TBC1D16: variants seen among roughly 807,000 people sequenced by gnomAD.
TBC1D16 encodes TBC1 domain family member 16, also known as CTD-2529O21.1.
TBC1D16 carries 58 observed loss-of-function variants against 74.7 expected under a neutral mutation model. The observed-to-expected ratio is 0.78, with a 90% CI of 0.63 to 0.97. The LOEUF (loss-of-function observed/expected upper bound fraction) is 0.97, where lower values mean the gene tolerates loss of function less well. Ranked by LOEUF, TBC1D16 falls within the 50% of genes least tolerant of loss-of-function variation. The probability of loss-of-function intolerance (pLI) is 0.00; values close to 1 mark genes in which losing one functional copy is unlikely to be tolerated. For missense variants in TBC1D16, 1,014 were observed against 1,079.5 expected, an observed-to-expected ratio of 0.94 and a Z score of 0.85; for synonymous variants, 493 against 474.7, an observed-to-expected ratio of 1.04 and a Z score of -0.50.
rs1412433816 is a variant in TBC1D16, at chr17:79,949,708, G to A, written c.1406+9C>T. Reference sequence around the variant, plus strand: ...CGGCGGGGTGGGCCGGGCTGGCCCCGGCGGTTACCTTTTCTGCTGGATCTC... The same window carrying A: ...CGGCGGGGTGGGCCGGGCTGGCCCCAGCGGTTACCTTTTCTGCTGGATCTC... On this transcript the variant is annotated intron_variant, in intron 7 of 11. Coordinates refer to ENST00000310924, the MANE Select transcript of TBC1D16 (RefSeq NM_019020.4). 1 of 1,602,618 alleles carries A rather than the reference G, an allele frequency of 6.2e-7. No individual in the cohort carries two copies. Among genetic ancestry groups the A allele is most frequent in the Non-Finnish European group, 8.5e-7 (1 of 1,172,840 alleles).
At position 79,941,999 on chromosome 17, in the gene TBC1D16, G is replaced by A; in HGVS notation, c.2055+61C>T. ...GGCAGCCTCACCTTTCTGAGAACGAGCTGGTGGGGTGGGGCTTTGGGGGCG... is the reference window on the plus strand; with the variant it reads ...GGCAGCCTCACCTTTCTGAGAACGAACTGGTGGGGTGGGGCTTTGGGGGCG... On this transcript the variant is annotated intron_variant, in intron 11 of 11. Coordinates refer to ENST00000310924, the MANE Select transcript of TBC1D16 (RefSeq NM_019020.4). The surrounding 1 kb of genome is among the most constrained non-coding windows in gnomAD (Gnocchi z 4.3). 2.0e-6 allele frequency: 3 copies of A among 1,478,662 alleles called. No homozygotes were observed. Among genetic ancestry groups the A allele is most frequent in the Non-Finnish European group, 2.7e-6 (3 of 1,099,278 alleles). 91.6% of individuals were successfully genotyped at this position (1,478,662 alleles called of 1,614,324 possible).
chr17:79,990,875 G>A lies in TBC1D16; in HGVS notation c.779+19285C>T, dbSNP rs1382605629. Among the ~76,000 whole-genome samples, 1 of 152,292 alleles carries A rather than the reference G, an allele frequency of 6.6e-6. No individual in the cohort carries two copies. The highest frequency in any genetic ancestry group is 1.5e-5 in the Non-Finnish European group (1 of 68,026). ...TTATGTCTGGCTCATTTCACTCGGCGTAACGTCCTCAACTCATCCGTGTTG... is the reference window on the plus strand; with the variant it reads ...TTATGTCTGGCTCATTTCACTCGGCATAACGTCCTCAACTCATCCGTGTTG... On this transcript the variant is annotated intron_variant, in intron 3 of 11. Coordinates refer to ENST00000310924, the MANE Select transcript of TBC1D16 (RefSeq NM_019020.4). The surrounding 1 kb of genome is among the most constrained non-coding windows in gnomAD (Gnocchi z 4.8).
At chr17:80,024,563 CGA>C (rs2036457251) in intron 1 of TBC1D16, among the ~76,000 whole-genome samples, 8 of 59,262 alleles carry the variant, frequency 1.3e-4, no homozygotes, top group Middle Eastern at 8.9e-3. Context: ...ACACCACACA[CGA>C]CACACCATAG....
Position 79,948,262 on chromosome 17 carries a change from G to A in TBC1D16, c.1542-431C>T, listed in dbSNP as rs1030405282. 4.1e-5 allele frequency among the ~76,000 whole-genome samples: 6 copies of A among 147,368 alleles called. No individual in the cohort carries two copies. The East Asian group carries it at 6.0e-4, about 15-fold the overall frequency. On this transcript the variant is annotated intron_variant, in intron 8 of 11. Transcript: ENST00000310924. Reference sequence around the variant, plus strand: ...CGGAAAGCGGAAGTTGCAGTGAGCCGAGATCACACCACTGCACTCCAGTCT... The same window carrying A: ...CGGAAAGCGGAAGTTGCAGTGAGCCAAGATCACACCACTGCACTCCAGTCT...
Position 80,011,549 on chromosome 17 carries a change from A to G in TBC1D16, c.182-792T>C, listed in dbSNP as rs144485588. Among the ~76,000 whole-genome samples, 53 of 152,250 alleles carry G rather than the reference A, an allele frequency of 3.5e-4. 1 individual carries two copies. In the East Asian group the frequency reaches 0.01, roughly 30 times the overall value. ...TTTCACAAAAAGAATTCATACAGCC[A>G]GGCGTGATGGCTCACGCCTGTAATC... On this transcript the variant is annotated intron_variant, in intron 2 of 11. Coordinates refer to ENST00000310924, the MANE Select transcript of TBC1D16 (RefSeq NM_019020.4).
At chr17:79,984,872 C>A (rs958334115) in intron 3 of TBC1D16, among the ~76,000 whole-genome samples, 1 of 152,022 alleles carries the variant, frequency 6.6e-6, no homozygotes, top group Non-Finnish European at 1.5e-5. Context: ...GGTCCTAAGG[C>A]CTCCCTCTGG....
chr17:79,945,728 A>G lies in TBC1D16; in HGVS notation c.1729-641T>C, dbSNP rs912276304. Among the ~76,000 whole-genome samples, 124 of 152,226 alleles carry G rather than the reference A, an allele frequency of 8.1e-4. 1 individual carries two copies. The highest frequency in any genetic ancestry group is 8.1e-3 in the Admixed American group (124 of 15,284). ...GCCATGCGCTGCCATGAGCCGTCAGAGGCGAATGGCGTTGGACACTGTAAC... is the reference window on the plus strand; with the variant it reads ...GCCATGCGCTGCCATGAGCCGTCAGGGGCGAATGGCGTTGGACACTGTAAC... On this transcript the variant is annotated intron_variant, in intron 9 of 11. Coordinates refer to ENST00000310924, the MANE Select transcript of TBC1D16 (RefSeq NM_019020.4).
At chr17:79,948,772 C>A in intron 8 of TBC1D16, 100 bp downstream of exon 8, 5 of 1,467,780 alleles carry the variant, frequency 3.4e-6, no homozygotes, top group South Asian at 1.2e-5. Flanking sequence ...TGGAAGAGAG[C>A]CCCTGCAGAA....
At position 79,978,414 on chromosome 17, in the gene TBC1D16, C is replaced by T. The variant is rs1411522862; in HGVS notation, c.780-25596G>A. Among the ~76,000 whole-genome samples, 7 of 152,352 alleles carry T rather than the reference C, an allele frequency of 4.6e-5. No homozygotes were observed. The South Asian group carries it at 8.3e-4, about 18-fold the overall frequency. ...ACCAGCACGGTTTAGGAAAAGATAA[C>T]CAGGCCCGGCCTTTCTTCTGTTCCT... On this transcript the variant is annotated intron_variant, in intron 3 of 11. Coordinates refer to ENST00000310924, the MANE Select transcript of TBC1D16 (RefSeq NM_019020.4).
chr17:80,015,543 G>A (rs899854789), intron 1 of TBC1D16, among the ~76,000 whole-genome samples: 2 of 152,244 alleles, frequency 1.3e-5, no homozygotes, highest in African/African-American at 2.4e-5. Flanking sequence ...CTGCGTGCAG[G>A]CCGGCTTCAC....
intron 3 of TBC1D16, among the ~76,000 whole-genome samples, chr17:79,972,836 T>C (rs754339873): frequency 6.6e-6 from 1 of 152,092 alleles, no homozygotes; most frequent in Non-Finnish European, 1.5e-5. Flanking sequence ...TTCTAGTACT[T>C]TGGAAGGCCG....
intron 1 of TBC1D16, among the ~76,000 whole-genome samples, chr17:80,029,078 CAG>C (rs1174834743): frequency 1.3e-5 from 2 of 152,206 alleles, no homozygotes; most frequent in Non-Finnish European, 2.9e-5. Flanking sequence ...ACTCCTCCAC[CAG>C]AGAGTCATTC....
chr17:80,004,062 G>A (rs1012411663), intron 3 of TBC1D16, among the ~76,000 whole-genome samples: 30 of 152,280 alleles, frequency 2.0e-4, no homozygotes, highest in African/African-American at 6.7e-4. Flanking sequence ...CTCTAAAAAC[G>A]AAACTTAAAA....
In TBC1D16 at chr17:79,975,926, G is replaced by A. The variant is rs916850369; in HGVS notation, c.780-23108C>T. 3.3e-5 allele frequency among the ~76,000 whole-genome samples: 5 copies of A among 152,228 alleles called. No homozygotes were observed. Among genetic ancestry groups the A allele is most frequent in the African/African-American group, 1.2e-4 (5 of 41,464 alleles). ...CTCTCCAGGCCACGAGATGGGCACA[G>A]ACCTTCCTGCACCCTCACAGCTTCT... is the stretch of plus-strand genomic sequence containing the variant. On this transcript the variant is annotated intron_variant, in intron 3 of 11. Transcript: ENST00000310924. This position sits in a 1 kb window ranked among gnomAD's most constrained non-coding sequence, Gnocchi z 4.5.
chr17:79,951,329 T>TCA (rs979029807), intron 5 of TBC1D16, 121 bp downstream of exon 5: 4 of 1,257,366 alleles, frequency 3.2e-6, no homozygotes, highest in Non-Finnish European at 4.4e-6. Flanking sequence ...CTACCGTGGG[T>TCA]CACACCCCGT....
rs993990631 is a variant in TBC1D16 at position 79,945,077 on chromosome 17, C to T, written c.1739G>A (p.Arg580His). Reference protein sequence around the residue: ...EDMEKQLLYLRELLRLTHVRF... With the variant: ...EDMEKQLLYLHELLRLTHVRF... Reference sequence around the variant, plus strand: ...CACGTGCGTCAGCCGCAGCAGCTCGCGCAGGTACAGCTGGGGGTGAGGCCG... The same window carrying T: ...CACGTGCGTCAGCCGCAGCAGCTCGTGCAGGTACAGCTGGGGGTGAGGCCG... Residue 580 changes from arginine (R) to histidine (H), a missense_variant, in exon 10 of 12, where the codon CGC becomes CAC. By Grantham distance (29) the Arg-to-His change is conservative. Transcript: ENST00000310924. 1.1e-5 allele frequency: 17 copies of T among 1,581,938 alleles called. No homozygotes were observed. Among genetic ancestry groups the T allele is most frequent in the Admixed American group, 5.5e-5 (3 of 54,472 alleles).
chr17:79,977,145 G>A (rs1200834316), intron 3 of TBC1D16, among the ~76,000 whole-genome samples: 5 of 152,132 alleles, frequency 3.3e-5, no homozygotes, highest in Non-Finnish European at 5.9e-5. Context: ...GTCATTTCAC[G>A]CCTTCCCCAA....
Position 79,980,618 on chromosome 17 carries a change from G to C in TBC1D16, c.780-27800C>G, listed in dbSNP as rs2034539763. Among the ~76,000 whole-genome samples the C allele has an allele frequency of 6.6e-6, 1 of 152,232 alleles. No individual in the cohort carries two copies. The highest frequency in any genetic ancestry group is 1.5e-5 in the Non-Finnish European group (1 of 68,050). ...GGCGAAGAGACACAGTGGGTGGCAGGAACGGGGAACAGAAAGCCAGAACCT... is the reference window on the plus strand; with the variant it reads ...GGCGAAGAGACACAGTGGGTGGCAGCAACGGGGAACAGAAAGCCAGAACCT... On this transcript the variant is annotated intron_variant, in intron 3 of 11. Transcript: ENST00000310924. This position sits in a 1 kb window ranked among gnomAD's most constrained non-coding sequence, Gnocchi z 7.0.
chr17:79,978,137 G>A (rs1365399944), intron 3 of TBC1D16, among the ~76,000 whole-genome samples: 1 of 152,210 alleles, frequency 6.6e-6, no homozygotes, highest in Non-Finnish European at 1.5e-5. Context: ...CGCATGCACC[G>A]AGACAGCCTG....
Sources: gnomAD v4.1 joint callset for allele counts (sites outside exome capture counted in the v4.1 genomes callset) on GRCh38, gnomAD v4.1.1 for gene constraint, Gnocchi (gnomAD v3.1) non-coding constraint, MANE v1.5 for transcripts, NCBI Gene and HGNC (gene_info 2026-07-23, HGNC 2026-07-21) for gene names.